Variants in MGST2 observed in about 807,000 individuals in gnomAD.
The protein encoded by MGST2 is glutathione peroxidase MGST2.
In MGST2, 9 loss-of-function variants were observed where a neutral mutation model predicts 16.6. The observed-to-expected ratio is 0.54, with a 90% CI of 0.33 to 0.95. The LOEUF is 0.95. Among genes scored for constraint, MGST2 ranks in the 40% least tolerant of loss-of-function variants. MGST2 has a pLI of 0.03. For synonymous variants in MGST2, 79 were observed against 68.0 expected (o/e 1.16, Z -0.79); for missense variants, 159 against 175.1 (o/e 0.91, Z 0.52).
intron 2 of MGST2, among the ~76,000 whole-genome samples, chr4:139,689,106 CAAAAAAA>C (rs746270352): frequency 1.6e-5 from 1 of 62,396 alleles, no homozygotes; most frequent in East Asian, 4.1e-4. Flanking sequence ...GACGCCATCT[CAAAAAAA>C]AAAAAAAAAA....
intron 1 of MGST2, among the ~76,000 whole-genome samples, chr4:139,674,925 C>T (rs1005347646): frequency 2.6e-5 from 4 of 152,054 alleles, no homozygotes; most frequent in African/African-American, 9.7e-5. Context: ...GAGGTTTAAC[C>T]CGTGTGTGTG....
chr4:139,730,182 G>A (rs2110986984), intron 5 of MGST2: 1 of 577,694 alleles, frequency 1.7e-6, no homozygotes, highest in Non-Finnish European at 3.1e-6. Context: ...TGGCACACAG[G>A]CCTTCAAATT....
At chr4:139,745,454 G>A (rs1221607956), downstream of MGST2, among the ~76,000 whole-genome samples, 4 of 152,226 alleles carry the variant, frequency 2.6e-5, no homozygotes, top group Admixed American at 2.6e-4. Flanking sequence ...ATCCCATCAG[G>A]AGGTGAGGGG....
At chr4:139,677,143 C>T (rs182621038) in intron 1 of MGST2, among the ~76,000 whole-genome samples, 9 of 152,294 alleles carry the variant, frequency 5.9e-5, no homozygotes, top group Admixed American at 5.2e-4. Flanking sequence ...TGTTCTGAGC[C>T]TGCATTGCTT....
At chr4:139,731,626 G>GAATTGAGT (rs1403153429) in intron 5 of MGST2, among the ~76,000 whole-genome samples, 1 of 151,208 alleles carries the variant, frequency 6.6e-6, no homozygotes, top group Non-Finnish European at 1.5e-5. Context: ...CAAAAAAAAA[G>GAATTGAGT]AATTGAGTCT....
In MGST2 at chr4:139,678,552, C is replaced by A; in HGVS notation, c.68C>A (p.Ala23Asp). 1.2e-6 allele frequency: 2 copies of A among 1,613,722 alleles called. No homozygotes were observed. Among genetic ancestry groups the A allele is most frequent in the Non-Finnish European group, 1.7e-6 (2 of 1,179,672 alleles). ...TTCCCTTTACTTGCAGGTTATTTTG[C>A]TTTGCAAGTTGGAAAGGCAAGATTA... ...ILSACQQSYF[A>D]LQVGKARLKY... Residue 23 changes from alanine (A) to aspartate (D), a missense_variant, in exon 2 of 5, where the codon GCT becomes GAT. Ala to Asp is a moderately radical substitution (Grantham distance 126). Coordinates refer to ENST00000265498, the MANE Select transcript of MGST2 (RefSeq NM_002413.5).
intron 3 of MGST2, among the ~76,000 whole-genome samples, chr4:139,702,867 T>TTTTTTTTTTTC (rs767366469): frequency 9.8e-5 from 13 of 132,448 alleles, no homozygotes; most frequent in African/African-American, 3.5e-4. Flanking sequence ...TTTTTTTTTT[T>TTTTTTTTTTTC]TTTACAATTT....
intron 5 of MGST2, chr4:139,725,668 A>G (rs1312636481): frequency 1.5e-6 from 2 of 1,336,522 alleles, no homozygotes; most frequent in African/African-American, 2.9e-5. Context: ...AAATACAGCC[A>G]GTAAGGCAAT....
At chr4:139,680,915 C>T (rs931762102) in intron 2 of MGST2, among the ~76,000 whole-genome samples, 8 of 152,080 alleles carry the variant, frequency 5.3e-5, no homozygotes, top group African/African-American at 1.2e-4. Flanking sequence ...CCTACTGTCC[C>T]GAGATGTTAA....
At chr4:139,707,393 A>C (rs1292250667), downstream of MGST2, among the ~76,000 whole-genome samples, 2,194 of 93,320 alleles carry the variant, frequency 0.024, no homozygotes, top group Admixed American at 0.032. Flanking sequence ...TTCATTTTTT[A>C]TGGCTGCATA....
chr4:139,700,112 T>G, intron 3 of MGST2, among the ~76,000 whole-genome samples: 1 of 149,630 alleles, frequency 6.7e-6, no homozygotes, highest in East Asian at 2.0e-4. Flanking sequence ...TTTTGTTTTT[T>G]GGTCTTTGGT....
intron 4 of MGST2, 139 bp from the exon 5 acceptor site, chr4:139,703,877 T>C (rs1727407012): frequency 2.0e-6 from 2 of 993,708 alleles, no homozygotes; most frequent in Admixed American, 1.8e-5. Flanking sequence ...CTTTAACTTA[T>C]GTGATGAGCT....
intron 2 of MGST2, among the ~76,000 whole-genome samples, chr4:139,682,384 G>C (rs187504633): frequency 2.4e-4 from 36 of 152,250 alleles, no homozygotes; most frequent in Admixed American, 8.5e-4. Flanking sequence ...TTGTGAACAT[G>C]TAGAGAAAGA....
At chr4:139,707,117 T>G (rs4863676), downstream of MGST2, among the ~76,000 whole-genome samples, 39,009 of 151,542 alleles carry the variant, frequency 0.26, 7,823 homozygotes, top group African/African-American at 0.55. Flanking sequence ...TTGTTACATA[T>G]GTATACATGT....
At chr4:139,671,163 AG>A (rs1215474796) in intron 1 of MGST2, among the ~76,000 whole-genome samples, 1 of 152,048 alleles carries the variant, frequency 6.6e-6, no homozygotes, top group Non-Finnish European at 1.5e-5. Flanking sequence ...TCCAAAAGGG[AG>A]GGGGCACAAC....
intron 2 of MGST2, among the ~76,000 whole-genome samples, chr4:139,688,155 A>G (rs1726348124): frequency 6.6e-6 from 1 of 152,246 alleles, no homozygotes; most frequent in Admixed American, 6.5e-5. Context: ...CATGTGCTGA[A>G]AGACCATTAT....
At chr4:139,729,234 T>C (rs969495751) in intron 5 of MGST2, among the ~76,000 whole-genome samples, 9 of 149,064 alleles carry the variant, frequency 6.0e-5, no homozygotes, top group Non-Finnish European at 8.9e-5. Flanking sequence ...GGGGGATGCC[T>C]GGTGTTACTT....
chr4:139,710,158 T>C (rs1421810295), intron 5 of MGST2, among the ~76,000 whole-genome samples: 4 of 152,148 alleles, frequency 2.6e-5, no homozygotes. Context: ...AATCAGGTCA[T>C]TTGAGGTTCA....
chr4:139,721,137 GCAA>G (rs2110958385), intron 5 of MGST2, among the ~76,000 whole-genome samples: 1 of 152,280 alleles, frequency 6.6e-6, no homozygotes, highest in Admixed American at 6.5e-5. Flanking sequence ...CTTCAAATCG[GCAA>G]CGACTATTTC....
Sources: allele counts gnomAD v4.1 joint callset (sites outside exome capture counted in the v4.1 genomes callset), GRCh38; gene constraint gnomAD v4.1.1; transcripts MANE v1.5; gene names NCBI Gene and HGNC (gene_info 2026-07-23, HGNC 2026-07-21).